The following NGEF variants were observed in gnomAD, a reference collection of about 807,000 sequenced individuals.
The protein encoded by NGEF is ephexin-1.
A neutral mutation model predicts 80.9 loss-of-function variants in NGEF; 31 were observed. That is an observed-to-expected ratio of 0.38 (90% CI 0.29 to 0.52). NGEF has a LOEUF of 0.52. Among genes scored for constraint, NGEF ranks in the 20% least tolerant of loss-of-function variants. The pLI is 0.84. For synonymous variants in NGEF, 371 were observed against 370.2 expected (o/e 1.00, Z -0.03); for missense variants, 709 against 926.2 (o/e 0.77, Z 3.04).
intron 2 of NGEF, among the ~76,000 whole-genome samples, chr2:232,971,964 C>A (rs889921146): frequency 6.6e-6 from 1 of 152,200 alleles, no homozygotes; most frequent in Non-Finnish European, 1.5e-5. Context: ...GCTTACAGTG[C>A]CCTACCCCTG....
chr2:232,926,352 T>A (rs74926345), intron 4 of NGEF, among the ~76,000 whole-genome samples: 1 of 146,034 alleles, frequency 6.8e-6, no homozygotes. Context: ...TTTTTTTTTT[T>A]AATGCAAGTA....
chr2:232,884,975 TG>T, intron 10 of NGEF: 1 of 280,252 alleles, frequency 3.6e-6, no homozygotes, highest in South Asian at 8.9e-5. Flanking sequence ...CCATGTAAAC[TG>T]ACTGCTCAAG....
intron 1 of NGEF, among the ~76,000 whole-genome samples, chr2:232,987,053 G>C (rs1694546227): frequency 6.6e-6 from 1 of 152,050 alleles, no homozygotes; most frequent in South Asian, 2.1e-4. Flanking sequence ...GTCTCACTCT[G>C]TTGCCCAGGC....
At chr2:232,962,365 T>C (rs919050139) in intron 3 of NGEF, among the ~76,000 whole-genome samples, 1 of 152,108 alleles carries the variant, frequency 6.6e-6, no homozygotes, top group Non-Finnish European at 1.5e-5. Context: ...GGTGAAACCC[T>C]GTCTCTACTA....
At chr2:233,001,700 G>A (rs1224645562) in intron 1 of NGEF, among the ~76,000 whole-genome samples, 5 of 152,306 alleles carry the variant, frequency 3.3e-5, no homozygotes, top group East Asian at 1.9e-4. Context: ...GCCAACGTGC[G>A]AAACCCCAAC....
rs554420331 is a variant in NGEF, at chr2:232,973,894, A to T, written c.268+729T>A. ...ATGAATGTTTTTGAATGCACTGATGAAGTCTCTGGATTTAGCAGGGGTTGC... is the reference window on the plus strand; with the variant it reads ...ATGAATGTTTTTGAATGCACTGATGTAGTCTCTGGATTTAGCAGGGGTTGC... On this transcript the variant is annotated intron_variant, in intron 2 of 14. Transcript: ENST00000264051. 3.3e-5 allele frequency among the ~76,000 whole-genome samples: 5 copies of T among 152,312 alleles called. No homozygotes were observed. The East Asian group carries it at 9.6e-4, about 29-fold the overall frequency.
chr2:232,893,098 G>A, intron 6 of NGEF, 48 bp from the exon 7 acceptor site: 1 of 1,582,688 alleles, frequency 6.3e-7, no homozygotes, highest in Non-Finnish European at 8.6e-7. Flanking sequence ...GGGGTAGGGT[G>A]GGGAATTGTC....
intron 3 of NGEF, chr2:232,927,993 G>A: frequency 8.0e-7 from 1 of 1,257,318 alleles, no homozygotes; most frequent in Non-Finnish European, 1.0e-6. Flanking sequence ...GCGGCCAGCA[G>A]CTCCATAGGG....
intron 3 of NGEF, among the ~76,000 whole-genome samples, chr2:232,955,119 A>G (rs1449827773): frequency 6.6e-6 from 1 of 152,194 alleles, no homozygotes; most frequent in Admixed American, 6.5e-5. Flanking sequence ...CAGAGCTTGC[A>G]GTCTTTTTTC....
At chr2:232,974,570 T>C (rs1422448166) in intron 2 of NGEF, 53 bp downstream of exon 2, 3 of 1,579,392 alleles carry the variant, frequency 1.9e-6, no homozygotes, top group Non-Finnish European at 2.6e-6. Context: ...TCAGCACTGA[T>C]GACTCCAGTT....
At chr2:232,970,166 G>T (rs775594681) in intron 3 of NGEF, 48 bp downstream of exon 3, 2 of 1,096,036 alleles carry the variant, frequency 1.8e-6, no homozygotes, top group Non-Finnish European at 2.6e-6. Context: ...AATGACCTCT[G>T]ATGCATCTTT....
chr2:232,997,715 G>A (rs1694883298), intron 1 of NGEF, among the ~76,000 whole-genome samples: 1 of 152,118 alleles, frequency 6.6e-6, no homozygotes, highest in Admixed American at 6.5e-5. Context: ...CAGCCACCCT[G>A]CTGCTGTTCG....
chr2:233,006,737 G>C (rs979062605), intron 1 of NGEF, among the ~76,000 whole-genome samples: 1 of 152,182 alleles, frequency 6.6e-6, no homozygotes, highest in Non-Finnish European at 1.5e-5. Flanking sequence ...GAACACTCAT[G>C]GCGATCCTGT....
intron 3 of NGEF, among the ~76,000 whole-genome samples, chr2:232,932,874 C>T (rs1300233995): frequency 6.6e-6 from 1 of 151,894 alleles, no homozygotes; most frequent in Non-Finnish European, 1.5e-5. Flanking sequence ...AAGGCTGAGT[C>T]GGGTGGATCA....
At chr2:232,882,333 G>T in intron 12 of NGEF, 68 bp from the exon 13 acceptor site, 1 of 1,385,562 alleles carries the variant, frequency 7.2e-7, no homozygotes, top group South Asian at 1.2e-5. Flanking sequence ...GTGGCACGAG[G>T]CTTCCCAGCT....
chr2:232,981,013 G>C (rs1694405932), intron 1 of NGEF, among the ~76,000 whole-genome samples: 3 of 151,726 alleles, frequency 2.0e-5, no homozygotes. Context: ...AGTAGGGAAG[G>C]GGCAGCTGGA....
At chr2:232,900,243 CTCAG>C (rs1412686544) in intron 5 of NGEF, among the ~76,000 whole-genome samples, 22 of 144,112 alleles carry the variant, frequency 1.5e-4, no homozygotes, top group Non-Finnish European at 3.0e-4. Flanking sequence ...CACACACGCT[CTCAG>C]TCACTCATAT....
At chr2:232,907,294 T>C (rs1344903366) in intron 5 of NGEF, among the ~76,000 whole-genome samples, 5 of 151,994 alleles carry the variant, frequency 3.3e-5, no homozygotes, top group Non-Finnish European at 7.4e-5. Context: ...ATAGGGTGTT[T>C]TCCTTGTGTG....
At chr2:232,960,183 T>C (rs1574638144) in intron 3 of NGEF, among the ~76,000 whole-genome samples, 1 of 152,378 alleles carries the variant, frequency 6.6e-6, no homozygotes, top group Non-Finnish European at 1.5e-5. Context: ...ATTTTAGATG[T>C]AGCTTAATTT....
Sources: allele counts gnomAD v4.1 joint callset (sites outside exome capture counted in the v4.1 genomes callset), GRCh38; gene constraint gnomAD v4.1.1; transcripts MANE v1.5; gene names NCBI Gene and HGNC (gene_info 2026-07-23, HGNC 2026-07-21).